KSR1: variants seen among roughly 807,000 people sequenced by gnomAD.
KSR1 encodes the protein kinase suppressor of ras 1, also known as kinase suppressor of ras.
In KSR1, 35 loss-of-function variants were observed where a neutral mutation model predicts 92.9. That is an observed-to-expected ratio of 0.38 (90% CI 0.29 to 0.50). The LOEUF (loss-of-function observed/expected upper bound fraction) is 0.50, where lower values mean the gene tolerates loss of function less well. KSR1 is among the 20% of genes least tolerant of loss of function. KSR1 has a pLI of 0.94. For missense variants in KSR1, 972 were observed against 1,158.5 expected, an observed-to-expected ratio of 0.84 and a Z score of 2.34; for synonymous variants, 467 against 472.6, an observed-to-expected ratio of 0.99 and a Z score of 0.15.
intron 9 of KSR1, among the ~76,000 whole-genome samples, chr17:27,592,908 C>A (rs937035266): frequency 6.6e-6 from 1 of 152,178 alleles, no homozygotes; most frequent in Non-Finnish European, 1.5e-5. Flanking sequence ...TTCATTTGAG[C>A]CCCACAATAG....
chr17:27,505,044 G>A (rs1038764226), intron 1 of KSR1, among the ~76,000 whole-genome samples: 1 of 152,200 alleles, frequency 6.6e-6, no homozygotes, highest in African/African-American at 2.4e-5. Context: ...GGTCAGAAAG[G>A]GATGGTTCAG....
chr17:27,617,636 T>C lies in KSR1; in HGVS notation c.2627+208T>C, dbSNP rs2074101162. The C allele has an allele frequency of 4.3e-5, 23 of 540,518 alleles. No homozygotes were observed. In the South Asian group the frequency reaches 5.1e-4, roughly 12 times the overall value. The allele number at this position is 540,518 out of a possible 1,614,324, so 33.5% of individuals were successfully genotyped here. A position where few individuals can be genotyped will look rare whatever the true frequency, so the allele number is the denominator to read the frequency against. Reference sequence around the variant, plus strand: ...TCCGCCTCCTGGGTTCAAGCAATTCTCCTGCCTCAGCCTCCCGAGTAGCTG... The same window carrying C: ...TCCGCCTCCTGGGTTCAAGCAATTCCCCTGCCTCAGCCTCCCGAGTAGCTG... On this transcript the variant is annotated intron_variant, in intron 19 of 20. Coordinates refer to ENST00000644974, the MANE Select transcript of KSR1 (RefSeq NM_001394583.1).
intron 10 of KSR1, among the ~76,000 whole-genome samples, chr17:27,601,007 C>T (rs767119040): frequency 2.6e-5 from 4 of 152,208 alleles, no homozygotes; most frequent in African/African-American, 9.7e-5. Flanking sequence ...GCCATTCTTC[C>T]GTACATAACA....
chr17:27,483,123 T>A (rs188369039), intron 1 of KSR1, among the ~76,000 whole-genome samples: 2 of 151,072 alleles, frequency 1.3e-5, no homozygotes, highest in East Asian at 3.9e-4. Flanking sequence ...AAAAAATAGA[T>A]TTTTTTTTTC....
Position 27,609,268 on chromosome 17 carries a change from G to A in KSR1, c.2164G>A (p.Gly722Ser), listed in dbSNP as rs556962985. Residue 722 changes from glycine to serine, a missense_variant, in exon 16 of 21, where the codon GGC becomes AGC. This residue lies in a region of KSR1 where 260 missense variants were observed against 375.2 expected (regional missense o/e 0.69). Transcript: ENST00000644974. ...ATCTAAGAACGTCTTCTATGACAACGGCAAGGTGGTCATCACAGACTTCGG... is the reference window on the plus strand; with the variant it reads ...ATCTAAGAACGTCTTCTATGACAACAGCAAGGTGGTCATCACAGACTTCGG... ...LKSKNVFYDN[G>S]KVVITDFGLF... 12 of 1,613,950 alleles carry A rather than the reference G, an allele frequency of 7.4e-6. No individual in the cohort carries two copies. Among genetic ancestry groups the A allele is most frequent in the Middle Eastern group, 1.6e-4 (1 of 6,062 alleles).
At chr17:27,560,116 A>G (rs926162252) in intron 2 of KSR1, among the ~76,000 whole-genome samples, 5 of 152,234 alleles carry the variant, frequency 3.3e-5, no homozygotes, top group Non-Finnish European at 7.4e-5. Context: ...GAGGGAGCTC[A>G]GAGGCGGGGC....
chr17:27,610,821 C>T (rs996762922), intron 17 of KSR1, among the ~76,000 whole-genome samples: 1 of 152,070 alleles, frequency 6.6e-6, no homozygotes, highest in African/African-American at 2.4e-5. Context: ...CCTACTAAGT[C>T]TTTAAAATCT....
chr17:27,585,837 A>G, intron 5 of KSR1, 176 bp downstream of exon 5: 1 of 647,396 alleles, frequency 1.5e-6, no homozygotes, highest in Non-Finnish European at 2.9e-6. Flanking sequence ...GTGGCCTTAA[A>G]GTGACTGGCT....
At chr17:27,499,062 G>C (rs1174089810) in intron 1 of KSR1, among the ~76,000 whole-genome samples, 1 of 152,194 alleles carries the variant, frequency 6.6e-6, no homozygotes, top group East Asian at 1.9e-4. Context: ...AGGGCCAGGA[G>C]GGTTAACAGC....
At chr17:27,604,789 A>C in intron 13 of KSR1, 61 bp downstream of exon 13, 6 of 1,546,252 alleles carry the variant, frequency 3.9e-6, no homozygotes, top group Non-Finnish European at 5.4e-6. Context: ...TCCCCATCTC[A>C]GAATGCGCAG....
chr17:27,602,041 G>A (rs2073582650), intron 11 of KSR1: 3 of 922,810 alleles, frequency 3.3e-6, no homozygotes, highest in Non-Finnish European at 5.1e-6. Context: ...TGCCCCTAAA[G>A]TGCTTGAGAT....
At chr17:27,533,962 C>T (rs1201922845) in intron 1 of KSR1, among the ~76,000 whole-genome samples, 2 of 102,696 alleles carry the variant, frequency 1.9e-5, no homozygotes, top group African/African-American at 4.4e-5. Context: ...TGCGTGTGCG[C>T]ACGTGTGTGT....
intron 4 of KSR1, chr17:27,583,954 G>T: frequency 2.0e-6 from 2 of 984,046 alleles, no homozygotes; most frequent in Non-Finnish European, 2.4e-6. Flanking sequence ...GCAGTTTTGT[G>T]TATGTCTATA....
intron 2 of KSR1, among the ~76,000 whole-genome samples, chr17:27,572,880 G>T (rs1364792571): frequency 6.6e-6 from 1 of 152,290 alleles, no homozygotes; most frequent in East Asian, 1.9e-4. Context: ...CCTCGCAGGG[G>T]CCTTCACAGC....
intron 1 of KSR1, among the ~76,000 whole-genome samples, chr17:27,477,845 TG>T (rs1302532449): frequency 2.0e-5 from 3 of 152,272 alleles, no homozygotes; most frequent in Non-Finnish European, 4.4e-5. Flanking sequence ...TTTGAGTAGC[TG>T]GGACTATAGA....
chr17:27,583,784 T>C (rs1244461151), intron 4 of KSR1, among the ~76,000 whole-genome samples: 1 of 152,260 alleles, frequency 6.6e-6, no homozygotes, highest in East Asian at 1.9e-4. Context: ...TGTTTAGTTT[T>C]TGACTTACAA....
chr17:27,592,624 A>C lies in KSR1; in HGVS notation c.1297A>C (p.Lys433Gln), dbSNP rs1261409693. 5.6e-6 allele frequency: 9 copies of C among 1,613,418 alleles called. No homozygotes were observed. Among genetic ancestry groups the C allele is most frequent in the Non-Finnish European group, 5.9e-6 (7 of 1,179,638 alleles). The change falls in exon 9 of 21, where the codon AAG (lysine) becomes CAG (glutamine). Residue 433 changes from lysine (K) to glutamine (Q), a missense_variant and splice_region_variant. Lys to Gln is a moderately conservative substitution (Grantham distance 53). Coordinates refer to ENST00000644974, the MANE Select transcript of KSR1 (RefSeq NM_001394583.1). ...FGTLPKALTK[K>Q]EHPPAMNHLD... ...AACCCTCCCCAAAGCACTGACAAAGAAGGTACGCTGGGTAATGCTGGGGAG... is the reference window on the plus strand; with the variant it reads ...AACCCTCCCCAAAGCACTGACAAAGCAGGTACGCTGGGTAATGCTGGGGAG...
chr17:27,554,254 T>C (rs1466047954), intron 2 of KSR1, among the ~76,000 whole-genome samples: 1 of 152,172 alleles, frequency 6.6e-6, no homozygotes, highest in Non-Finnish European at 1.5e-5. Context: ...CCTTGAGCAG[T>C]AGGATATAAA....
chr17:27,525,066 G>T (rs1017679122), intron 1 of KSR1, among the ~76,000 whole-genome samples: 1 of 152,196 alleles, frequency 6.6e-6, no homozygotes, highest in Non-Finnish European at 1.5e-5. Flanking sequence ...TCAGTCACCC[G>T]CATCAGTCCT....
Sources: allele counts gnomAD v4.1 joint callset (sites outside exome capture counted in the v4.1 genomes callset), GRCh38; gene constraint gnomAD v4.1.1; regional missense constraint gnomAD v4.1.1; transcripts MANE v1.5; gene names NCBI Gene and HGNC (gene_info 2026-07-23, HGNC 2026-07-21).